SLC9A9: variants seen among roughly 807,000 people sequenced by gnomAD.
The protein encoded by SLC9A9 is solute carrier family 9 member A9, also known as sodium/hydrogen exchanger 9.
In SLC9A9, 62 loss-of-function variants were observed where a neutral mutation model predicts 77.8. That is an observed-to-expected ratio of 0.80 (90% CI 0.65 to 0.98). The LOEUF is 0.98. Ranked by LOEUF, SLC9A9 falls within the 50% of genes least tolerant of loss-of-function variation. SLC9A9 has a pLI of 0.00. For synonymous variants in SLC9A9, 320 were observed against 283.5 expected (o/e 1.13, Z -1.29); for missense variants, 775 against 774.9 (o/e 1.00, Z 0.00).
intron 6 of SLC9A9, among the ~76,000 whole-genome samples, chr3:143,604,823 G>A (rs1373789317): frequency 6.6e-6 from 1 of 152,126 alleles, no homozygotes; most frequent in Non-Finnish European, 1.5e-5. Flanking sequence ...CTGTGATATT[G>A]TTGAATTCTT....
chr3:143,426,310 C>T (rs140491180), intron 12 of SLC9A9, among the ~76,000 whole-genome samples: 16 of 152,254 alleles, frequency 1.1e-4, no homozygotes, highest in East Asian at 7.7e-4. Context: ...TTCAAGGATA[C>T]GAACTACTAA....
intron 12 of SLC9A9, among the ~76,000 whole-genome samples, chr3:143,390,656 G>A (rs749331187): frequency 3.3e-5 from 5 of 152,318 alleles, no homozygotes; most frequent in South Asian, 2.1e-4. Context: ...GCGAGGCGTC[G>A]CCTCACCCGG....
chr3:143,513,387 A>G (rs1282494596), intron 9 of SLC9A9, among the ~76,000 whole-genome samples: 1 of 152,174 alleles, frequency 6.6e-6, no homozygotes, highest in Non-Finnish European at 1.5e-5. Context: ...AAGTTTTATC[A>G]TGAGACTGCA....
In SLC9A9 at chr3:143,323,305, C is replaced by T. The variant is rs563435963; in HGVS notation, c.1604+40179G>A. 9.9e-4 allele frequency among the ~76,000 whole-genome samples: 151 copies of T among 152,196 alleles called. 1 individual carries two copies. The highest frequency in any genetic ancestry group is 3.2e-3 in the African/African-American group (133 of 41,520). ...AGCACTATTGACAATAGCAGAGATA[C>T]GGAATCAACCTAAGTGTTCATCAAT... On this transcript the variant is annotated intron_variant, in intron 14 of 15. Coordinates refer to ENST00000316549, the MANE Select transcript of SLC9A9 (RefSeq NM_173653.4).
intron 14 of SLC9A9, among the ~76,000 whole-genome samples, chr3:143,357,434 A>T (rs1181231949): frequency 1.3e-5 from 2 of 152,168 alleles, no homozygotes; most frequent in Non-Finnish European, 1.5e-5. Context: ...TGAACAAAAG[A>T]TTACACATCC....
intron 4 of SLC9A9, among the ~76,000 whole-genome samples, chr3:143,776,146 C>T (rs564024705): frequency 6.6e-6 from 1 of 152,142 alleles, no homozygotes; most frequent in African/African-American, 2.4e-5. Flanking sequence ...ATTTTCTGGC[C>T]TAATTTATGA....
intron 12 of SLC9A9, among the ~76,000 whole-genome samples, chr3:143,393,758 A>T (rs1236004883): frequency 6.6e-6 from 1 of 151,862 alleles, no homozygotes; most frequent in Non-Finnish European, 1.5e-5. Context: ...ATAAAAAATG[A>T]TAAAGAGGAT....
At chr3:143,392,819 A>G (rs1185473441) in intron 12 of SLC9A9, among the ~76,000 whole-genome samples, 4 of 152,204 alleles carry the variant, frequency 2.6e-5, no homozygotes, top group Non-Finnish European at 5.9e-5. Flanking sequence ...GATAAAACAG[A>G]CTTTAAACCA....
At chr3:143,312,814 C>T (rs1322278729) in intron 14 of SLC9A9, among the ~76,000 whole-genome samples, 2 of 152,230 alleles carry the variant, frequency 1.3e-5, no homozygotes, top group Non-Finnish European at 2.9e-5. Flanking sequence ...TCTTATACCT[C>T]TGACCATTGC....
At chr3:143,432,778 C>A (rs1230916874) in intron 12 of SLC9A9, among the ~76,000 whole-genome samples, 2 of 152,200 alleles carry the variant, frequency 1.3e-5, no homozygotes, top group African/African-American at 4.8e-5. Context: ...CAGGTATATA[C>A]CCCCACACCC....
intron 8 of SLC9A9, among the ~76,000 whole-genome samples, chr3:143,571,186 T>C (rs2037253172): frequency 6.6e-6 from 1 of 152,184 alleles, no homozygotes; most frequent in African/African-American, 2.4e-5. Context: ...CTCTAGGAGC[T>C]ACATTAAGTG....
chr3:143,578,497 G>A, intron 7 of SLC9A9, 88 bp downstream of exon 7: 1 of 1,594,508 alleles, frequency 6.3e-7, no homozygotes, highest in Middle Eastern at 1.7e-4. Context: ...GCCTTTTATG[G>A]GCCTGGAGGT....
At chr3:143,569,628 C>A (rs2108653588) in intron 8 of SLC9A9, among the ~76,000 whole-genome samples, 1 of 151,938 alleles carries the variant, frequency 6.6e-6, no homozygotes, top group East Asian at 1.9e-4. Flanking sequence ...GTGGACATAT[C>A]ATTCACTTGG....
intron 2 of SLC9A9, among the ~76,000 whole-genome samples, chr3:143,812,530 C>A (rs1456713793): frequency 6.6e-6 from 1 of 152,178 alleles, no homozygotes; most frequent in African/African-American, 2.4e-5. Flanking sequence ...ATCTCTATGG[C>A]CTCACAACAC....
chr3:143,425,131 G>A (rs2034378908), intron 12 of SLC9A9, among the ~76,000 whole-genome samples: 1 of 152,178 alleles, frequency 6.6e-6, no homozygotes, highest in African/African-American at 2.4e-5. Flanking sequence ...CACTTGCCAT[G>A]TGGTCAATCC....
At chr3:143,694,341 T>C (rs759371093) in intron 4 of SLC9A9, among the ~76,000 whole-genome samples, 8 of 152,184 alleles carry the variant, frequency 5.3e-5, no homozygotes, top group Non-Finnish European at 8.8e-5. Context: ...ACTATCTATA[T>C]GATTTTAAGT....
At chr3:143,784,964 T>A (rs952834749) in intron 4 of SLC9A9, among the ~76,000 whole-genome samples, 13 of 152,134 alleles carry the variant, frequency 8.5e-5, no homozygotes, top group African/African-American at 3.1e-4. Flanking sequence ...TCTGCAATCG[T>A]GAAGAGGGCC....
At chr3:143,504,004 G>A (rs1028555418) in intron 9 of SLC9A9, 2 of 448,130 alleles carry the variant, frequency 4.5e-6, no homozygotes, top group East Asian at 1.2e-4. Context: ...ATCAGTGCCA[G>A]CATCGCCCCA....
At chr3:143,627,425 AC>A in intron 6 of SLC9A9, 1 of 224,162 alleles carries the variant, frequency 4.5e-6, no homozygotes, top group Middle Eastern at 5.9e-4. Context: ...CTCAGCCACC[AC>A]CCAATTCTAG....
Sources: allele counts gnomAD v4.1 joint callset (sites outside exome capture counted in the v4.1 genomes callset), GRCh38; gene constraint gnomAD v4.1.1; transcripts MANE v1.5; gene names NCBI Gene and HGNC (gene_info 2026-07-23, HGNC 2026-07-21).